Variants in DAP observed in about 807,000 individuals in gnomAD.
DAP encodes the protein death associated protein.
Under a neutral mutation model 13.8 loss-of-function variants are expected in DAP, and 8 were observed. That is an observed-to-expected ratio of 0.58 (90% confidence interval 0.34 to 1.05). DAP has a LOEUF of 1.05. Among genes scored for constraint, DAP ranks in the 50% least tolerant of loss-of-function variants. DAP has a pLI of 0.03. For synonymous variants in DAP, 47 were observed against 47.5 expected (o/e 0.99, Z 0.04); for missense variants, 106 against 133.2 (o/e 0.80, Z 1.01).
At chr5:10,689,290 C>T (rs1738238023) in intron 2 of DAP, among the ~76,000 whole-genome samples, 1 of 151,652 alleles carries the variant, frequency 6.6e-6, no homozygotes, top group African/African-American at 2.4e-5. Flanking sequence ...GTGAGCTGCT[C>T]AAGACACTGT....
chr5:10,695,325 G>A (rs1279549219), intron 2 of DAP, among the ~76,000 whole-genome samples: 3 of 152,242 alleles, frequency 2.0e-5, no homozygotes, highest in African/African-American at 7.2e-5. Context: ...TGCGGGCGAG[G>A]GCTGCTGGCA....
intron 2 of DAP, among the ~76,000 whole-genome samples, chr5:10,740,459 C>T (rs572566060): frequency 1.3e-5 from 2 of 152,280 alleles, no homozygotes; most frequent in Admixed American, 1.3e-4. Context: ...AAGTAAGATA[C>T]ATACAAAGAC....
chr5:10,755,036 T>C (rs1377693427), intron 1 of DAP, among the ~76,000 whole-genome samples: 1 of 152,196 alleles, frequency 6.6e-6, no homozygotes, highest in African/African-American at 2.4e-5. Flanking sequence ...GAAACTGCTA[T>C]TCTGTGCTTA....
At chr5:10,740,359 G>A (rs1207341731) in intron 2 of DAP, among the ~76,000 whole-genome samples, 1 of 152,176 alleles carries the variant, frequency 6.6e-6, no homozygotes, top group African/African-American at 2.4e-5. Flanking sequence ...AGAGAAAAAT[G>A]AAGCAAGGAT....
intron 2 of DAP, among the ~76,000 whole-genome samples, chr5:10,685,836 G>A (rs1459513457): frequency 6.6e-6 from 1 of 152,150 alleles, no homozygotes; most frequent in Non-Finnish European, 1.5e-5. Context: ...ATAATAAAGG[G>A]AATTAGCTTC....
intron 2 of DAP, among the ~76,000 whole-genome samples, chr5:10,726,114 T>C (rs1032044154): frequency 1.3e-5 from 2 of 152,316 alleles, no homozygotes; most frequent in Admixed American, 6.5e-5. Context: ...GCTTTCAAAA[T>C]AGATTCAAGT....
intron 2 of DAP, among the ~76,000 whole-genome samples, chr5:10,686,352 C>T (rs571460465): frequency 8.5e-5 from 13 of 152,260 alleles, no homozygotes; most frequent in Admixed American, 7.8e-4. Context: ...CTCTCACTTT[C>T]AATCAAAAGC....
intron 2 of DAP, among the ~76,000 whole-genome samples, chr5:10,706,335 G>A (rs185707861): frequency 1.4e-4 from 21 of 152,298 alleles, no homozygotes; most frequent in Admixed American, 1.4e-3. Context: ...AGTCAGCTTA[G>A]GTAATATTAT....
At chr5:10,742,289 C>T (rs2964785) in intron 2 of DAP, among the ~76,000 whole-genome samples, 49,629 of 152,030 alleles carry the variant, frequency 0.33, 9,026 homozygotes, top group African/African-American at 0.5. Flanking sequence ...AATCCCAGCA[C>T]TTTGGCAGGC....
chr5:10,685,493 C>T (rs921926375), intron 2 of DAP, among the ~76,000 whole-genome samples: 2 of 150,300 alleles, frequency 1.3e-5, no homozygotes, highest in Admixed American at 1.3e-4. Flanking sequence ...GAACTGTGGT[C>T]TGAATTCTAA....
intron 2 of DAP, among the ~76,000 whole-genome samples, chr5:10,728,120 A>G (rs1160281250): frequency 1.3e-5 from 2 of 152,270 alleles, no homozygotes; most frequent in Non-Finnish European, 2.9e-5. Context: ...ATTAACAGGC[A>G]AAGAAAAGAA....
chr5:10,734,981 C>T (rs796452019), intron 2 of DAP, among the ~76,000 whole-genome samples: 14 of 152,328 alleles, frequency 9.2e-5, no homozygotes, highest in African/African-American at 3.4e-4. Flanking sequence ...GTGGGGCCGC[C>T]ACCCAAAGGC....
intron 2 of DAP, among the ~76,000 whole-genome samples, chr5:10,718,997 A>G (rs980390736): frequency 3.3e-5 from 5 of 152,246 alleles, no homozygotes; most frequent in Admixed American, 1.3e-4. Context: ...AACATATTGG[A>G]CTTACTGGTG....
At chr5:10,746,405 A>G (rs2126677088) in intron 2 of DAP, among the ~76,000 whole-genome samples, 1 of 151,462 alleles carries the variant, frequency 6.6e-6, no homozygotes, top group Admixed American at 6.6e-5. Context: ...TCTTGGCTCA[A>G]TGCAACCTCC....
chr5:10,695,312 C>G (rs1015750440), intron 2 of DAP, among the ~76,000 whole-genome samples: 2 of 152,232 alleles, frequency 1.3e-5, no homozygotes, highest in African/African-American at 4.8e-5. Flanking sequence ...GCCGGCCAGG[C>G]ACTGCGGGCG....
chr5:10,754,378 G>A (rs971973829), intron 1 of DAP, among the ~76,000 whole-genome samples: 2 of 152,204 alleles, frequency 1.3e-5, no homozygotes, highest in Admixed American at 1.3e-4. Flanking sequence ...TGGAGCCCCA[G>A]ATACTTTCCT....
In DAP at chr5:10,680,528, C is replaced by T. The variant is rs989708325; in HGVS notation, c.*528G>A. ...TGCCTCATCAGCCTGCACAGGATCCCCCATCTCACGAGAGAGGGAAATTTG... is the reference window on the plus strand; with the variant it reads ...TGCCTCATCAGCCTGCACAGGATCCTCCATCTCACGAGAGAGGGAAATTTG... On this transcript the variant is annotated 3_prime_UTR_variant, in exon 4 of 4. Transcript: ENST00000230895. The T allele has an allele frequency of 3.3e-6, 2 of 602,952 alleles. No individual in the cohort carries two copies. The highest frequency in any genetic ancestry group is 2.1e-5 in the South Asian group (1 of 47,074). 37.4% of individuals were successfully genotyped at this position (602,952 alleles called of 1,614,324 possible).
At chr5:10,708,385 TACACACAC>T (rs547741565) in intron 2 of DAP, among the ~76,000 whole-genome samples, 1 of 145,062 alleles carries the variant, frequency 6.9e-6, no homozygotes, top group African/African-American at 2.8e-5. Context: ...CAGACATACA[TACACACAC>T]ACATGCAGAC....
chr5:10,700,237 T>TC (rs1470873504), intron 2 of DAP, among the ~76,000 whole-genome samples: 3 of 152,214 alleles, frequency 2.0e-5, no homozygotes, highest in African/African-American at 7.2e-5. Flanking sequence ...GAGCCTTCCT[T>TC]CTTCCACATG....
Sources: gnomAD v4.1 joint callset for allele counts (sites outside exome capture counted in the v4.1 genomes callset) on GRCh38, gnomAD v4.1.1 for gene constraint, MANE v1.5 for transcripts, NCBI Gene and HGNC (gene_info 2026-07-23, HGNC 2026-07-21) for gene names.